Variants in ASAP2 observed in about 807,000 individuals in gnomAD.
ASAP2 encodes arf-GAP with SH3 domain, ANK repeat and PH domain-containing protein 2.
In ASAP2, 45 loss-of-function variants were observed where a neutral mutation model predicts 131.4. That is an observed-to-expected ratio of 0.34 (90% CI 0.27 to 0.44). The LOEUF (loss-of-function observed/expected upper bound fraction) is 0.44, where lower values mean the gene tolerates loss of function less well. Among genes scored for constraint, ASAP2 ranks in the 20% least tolerant of loss-of-function variants. The probability of loss-of-function intolerance (pLI) is 1.00; values close to 1 mark genes in which losing one functional copy is unlikely to be tolerated. For synonymous variants in ASAP2, 510 were observed against 503.0 expected (o/e 1.01, Z -0.19); for missense variants, 1,011 against 1,297.0 (o/e 0.78, Z 3.39).
chr2:9,290,194 T>C (rs1667724474), intron 2 of ASAP2, among the ~76,000 whole-genome samples: 1 of 147,338 alleles, frequency 6.8e-6, no homozygotes. Context: ...TATTCTAATG[T>C]TATTTATTTA....
intron 1 of ASAP2, among the ~76,000 whole-genome samples, chr2:9,233,009 A>G (rs753963984): frequency 3.3e-5 from 5 of 152,208 alleles, no homozygotes; most frequent in East Asian, 1.9e-4. Context: ...TATTATTTCC[A>G]AATTGCTGCC....
chr2:9,331,869 C>T (rs1290744730), intron 7 of ASAP2, among the ~76,000 whole-genome samples: 3 of 152,098 alleles, frequency 2.0e-5, no homozygotes, highest in Non-Finnish European at 4.4e-5. Context: ...AGCTGTTGCT[C>T]AGTGAACTTG....
At chr2:9,323,522 T>G (rs75631220) in intron 6 of ASAP2, among the ~76,000 whole-genome samples, 4,778 of 152,304 alleles carry the variant, frequency 0.031, 194 homozygotes, top group African/African-American at 0.099. Context: ...TACGTACTCT[T>G]GCTAAAATAT....
At chr2:9,264,535 T>G (rs1665809035) in intron 1 of ASAP2, among the ~76,000 whole-genome samples, 1 of 152,214 alleles carries the variant, frequency 6.6e-6, no homozygotes, top group Non-Finnish European at 1.5e-5. Flanking sequence ...GTGCTGTTCC[T>G]CTGTACACCC....
intron 11 of ASAP2, among the ~76,000 whole-genome samples, chr2:9,345,519 C>A (rs933818750): frequency 6.6e-6 from 1 of 152,214 alleles, no homozygotes; most frequent in African/African-American, 2.4e-5. Context: ...TATTGCCTCA[C>A]CTGGCATGAC....
chr2:9,231,632 T>C (rs949207971), intron 1 of ASAP2, among the ~76,000 whole-genome samples: 3 of 152,218 alleles, frequency 2.0e-5, no homozygotes, highest in Non-Finnish European at 4.4e-5. Context: ...GCCCTGTTCT[T>C]GCTCATAGAC....
At chr2:9,338,309 G>T (rs148838550) in intron 9 of ASAP2, among the ~76,000 whole-genome samples, 1 of 151,454 alleles carries the variant, frequency 6.6e-6, no homozygotes, top group African/African-American at 2.4e-5. Flanking sequence ...CTCTCTCTCT[G>T]TCTGTCTGTG....
At position 9,206,916 on chromosome 2, in the gene ASAP2, G is replaced by A. The variant is rs2147906598; in HGVS notation, c.-189G>A. ...CGCAGGCGGGCGGACCGGCCGAGCTGCGCGGGGCTGCGCGCCGCCCCTGCT... is the reference window on the plus strand; with the variant it reads ...CGCAGGCGGGCGGACCGGCCGAGCTACGCGGGGCTGCGCGCCGCCCCTGCT... On this transcript the variant is annotated 5_prime_UTR_variant, in exon 1 of 28. Transcript: ENST00000281419. This position sits in a 1 kb window ranked among gnomAD's most constrained non-coding sequence, Gnocchi z 4.0. The A allele has an allele frequency of 3.4e-6, 1 of 293,910 alleles. No individual in the cohort carries two copies. Among genetic ancestry groups the A allele is most frequent in the Non-Finnish European group, 5.0e-6 (1 of 200,904 alleles). The allele number at this position is 293,910 out of a possible 1,614,324, so 18.2% of individuals were successfully genotyped here.
chr2:9,269,131 A>C (rs924643089), intron 1 of ASAP2, among the ~76,000 whole-genome samples: 1 of 152,168 alleles, frequency 6.6e-6, no homozygotes. Context: ...AGGTACTTAC[A>C]TAAGAGAGGT....
intron 1 of ASAP2, among the ~76,000 whole-genome samples, chr2:9,227,235 C>A (rs1662839466): frequency 6.6e-6 from 1 of 152,164 alleles, no homozygotes; most frequent in Non-Finnish European, 1.5e-5. Context: ...TCTGCTGTAC[C>A]CTCAGCCCCC....
intron 1 of ASAP2, among the ~76,000 whole-genome samples, chr2:9,258,255 A>AAAG (rs1276902241): frequency 2.6e-5 from 4 of 151,842 alleles, no homozygotes; most frequent in African/African-American, 9.7e-5. Context: ...AAAAAAAAAA[A>AAAG]AAAATTTCTA....
At chr2:9,375,145 G>C (rs1379891524) in intron 17 of ASAP2, among the ~76,000 whole-genome samples, 1 of 151,756 alleles carries the variant, frequency 6.6e-6, no homozygotes, top group East Asian at 1.9e-4. Flanking sequence ...GGCCAGGCAT[G>C]GTGGTGTACA....
rs539555202 is a variant in ASAP2 at position 9,232,213 on chromosome 2, C to G, written c.126+24983C>G. Among the ~76,000 whole-genome samples, 1 of 152,348 alleles carries G rather than the reference C, an allele frequency of 6.6e-6. No homozygotes were observed. Among genetic ancestry groups the G allele is most frequent in the South Asian group, 2.1e-4 (1 of 4,834 alleles). The stretch of plus-strand genomic sequence containing the variant: ...ACCTGGCCCCTGCCTCCCTCCCACC[C>G]CATCTCATCCATGCCTGTCCTCTGT... On this transcript the variant is annotated intron_variant, in intron 1 of 27. Transcript: ENST00000281419. This position sits in a 1 kb window ranked among gnomAD's most constrained non-coding sequence, Gnocchi z 4.1.
chr2:9,210,743 A>G (rs1053675646), intron 1 of ASAP2, among the ~76,000 whole-genome samples: 1 of 151,902 alleles, frequency 6.6e-6, no homozygotes, highest in African/African-American at 2.4e-5. Context: ...TTTAGTAGAG[A>G]TGGGGTTTCA....
intron 15 of ASAP2, among the ~76,000 whole-genome samples, chr2:9,361,968 T>A (rs1673111464): frequency 7.1e-6 from 1 of 140,258 alleles, no homozygotes; most frequent in Non-Finnish European, 1.5e-5. Context: ...CTTATCTCTT[T>A]CTCTGCGTGT....
intron 1 of ASAP2, among the ~76,000 whole-genome samples, chr2:9,273,734 C>G (rs1666568065): frequency 1.3e-5 from 2 of 152,084 alleles, no homozygotes. Context: ...ACCAGATGAG[C>G]CAGTTTATTG....
At chr2:9,249,814 C>G (rs1446057072) in intron 1 of ASAP2, among the ~76,000 whole-genome samples, 1 of 152,200 alleles carries the variant, frequency 6.6e-6, no homozygotes, top group Non-Finnish European at 1.5e-5. Flanking sequence ...AGAGGATGAC[C>G]GAGGGGCATG....
chr2:9,366,382 C>T (rs1465690965), intron 15 of ASAP2, among the ~76,000 whole-genome samples: 8 of 152,106 alleles, frequency 5.3e-5, no homozygotes, highest in Admixed American at 1.3e-4. Flanking sequence ...GCCCCTGGCT[C>T]ATAGAGGGGG....
chr2:9,304,316 G>T (rs911619549), intron 3 of ASAP2, among the ~76,000 whole-genome samples: 1 of 152,114 alleles, frequency 6.6e-6, no homozygotes, highest in African/African-American at 2.4e-5. Flanking sequence ...GTCATTGTGT[G>T]TTTTCTTAAT....
Sources: allele counts gnomAD v4.1 joint callset (sites outside exome capture counted in the v4.1 genomes callset), GRCh38; gene constraint gnomAD v4.1.1; non-coding constraint Gnocchi (gnomAD v3.1); transcripts MANE v1.5; gene names NCBI Gene and HGNC (gene_info 2026-07-23, HGNC 2026-07-21).